Variants in MAGI2 observed in about 807,000 individuals in gnomAD.
MAGI2 encodes membrane-associated guanylate kinase, WW and PDZ domain-containing protein 2.
MAGI2 carries 35 observed loss-of-function variants against 133.3 expected under a neutral mutation model. The ratio of observed to expected loss-of-function variants is 0.26; its 90% CI spans 0.20 to 0.35. MAGI2 has a LOEUF of 0.35. Ranked by LOEUF, MAGI2 falls within the 10% of genes least tolerant of loss-of-function variation. The probability of loss-of-function intolerance (pLI) is 1.00; values close to 1 mark genes in which losing one functional copy is unlikely to be tolerated. For missense variants in MAGI2, 1,636 were observed against 1,863.4 expected, an observed-to-expected ratio of 0.88 and a Z score of 2.25; for synonymous variants, 729 against 710.6, an observed-to-expected ratio of 1.03 and a Z score of -0.41.
At chr7:78,452,303 T>C (rs940314155) in intron 6 of MAGI2, among the ~76,000 whole-genome samples, 1 of 151,938 alleles carries the variant, frequency 6.6e-6, no homozygotes, top group African/African-American at 2.4e-5. Context: ...AAGCAGGAAA[T>C]GGTACTCTCT....
chr7:79,148,312 CCT>C (rs1822850503), intron 1 of MAGI2, among the ~76,000 whole-genome samples: 1 of 152,124 alleles, frequency 6.6e-6, no homozygotes, highest in Admixed American at 6.5e-5. Context: ...AATGCCAATT[CCT>C]GTCATTGAAT....
chr7:79,387,886 A>G (rs989936972), intron 1 of MAGI2, among the ~76,000 whole-genome samples: 1 of 151,994 alleles, frequency 6.6e-6, no homozygotes. Flanking sequence ...AAATATTTAA[A>G]TTCGTATTGA....
rs147675616 is a variant in MAGI2 at position 78,578,473 on chromosome 7, C to T, written c.538+48647G>A. Among the ~76,000 whole-genome samples the T allele has an allele frequency of 4.3e-3, 650 of 151,814 alleles. 5 individuals carry two copies. Among genetic ancestry groups the T allele is most frequent in the African/African-American group, 0.015 (622 of 41,384 alleles). On this transcript the variant is annotated intron_variant, in intron 3 of 21. Coordinates refer to ENST00000354212, the MANE Select transcript of MAGI2 (RefSeq NM_012301.4). Reference sequence around the variant, plus strand: ...TAGAAAAGAGAATAAATGGAAAAAACATAGAAGTAAAAATAAGAAAGGGTA... The same window carrying T: ...TAGAAAAGAGAATAAATGGAAAAAATATAGAAGTAAAAATAAGAAAGGGTA...
At chr7:78,889,666 A>T (rs1337368083) in intron 2 of MAGI2, among the ~76,000 whole-genome samples, 1 of 152,240 alleles carries the variant, frequency 6.6e-6, no homozygotes, top group Non-Finnish European at 1.5e-5. Context: ...TACTTTACAG[A>T]CAAGCAAATA....
At chr7:78,473,469 T>C (rs1314656085) in intron 6 of MAGI2, among the ~76,000 whole-genome samples, 1 of 152,090 alleles carries the variant, frequency 6.6e-6, no homozygotes, top group East Asian at 1.9e-4. Flanking sequence ...GCTTTAGTCA[T>C]AAAAATCTAC....
At chr7:78,800,124 G>A (rs921334741) in intron 2 of MAGI2, among the ~76,000 whole-genome samples, 6 of 151,976 alleles carry the variant, frequency 3.9e-5, no homozygotes, top group South Asian at 2.1e-4. Flanking sequence ...AAAAACCCAC[G>A]GACCAGAAGC....
chr7:79,128,569 C>T (rs1173139965), intron 1 of MAGI2, among the ~76,000 whole-genome samples: 2 of 152,138 alleles, frequency 1.3e-5, no homozygotes, highest in Non-Finnish European at 2.9e-5. Flanking sequence ...TACAGGGGAA[C>T]TCCCTGATCA....
chr7:79,306,059 T>A (rs1029692147), intron 1 of MAGI2, among the ~76,000 whole-genome samples: 4 of 148,694 alleles, frequency 2.7e-5, no homozygotes, highest in African/African-American at 9.9e-5. Flanking sequence ...CAGGTTGGAG[T>A]GCAGTGGCAC....
chr7:78,267,692 C>T (rs1258309731), intron 9 of MAGI2, among the ~76,000 whole-genome samples: 1 of 152,128 alleles, frequency 6.6e-6, no homozygotes, highest in Non-Finnish European at 1.5e-5. Flanking sequence ...CAATATGGTA[C>T]CTTATTTTAT....
chr7:78,063,899 C>T (rs1445544218), intron 21 of MAGI2, among the ~76,000 whole-genome samples: 2 of 152,114 alleles, frequency 1.3e-5, no homozygotes, highest in Non-Finnish European at 2.9e-5. Context: ...CTTTATATCC[C>T]TAGCAATGAG....
At chr7:78,905,109 C>G (rs1330014295) in intron 2 of MAGI2, among the ~76,000 whole-genome samples, 1 of 152,126 alleles carries the variant, frequency 6.6e-6, no homozygotes, top group East Asian at 1.9e-4. Context: ...AATCTTATCC[C>G]TAGGCTTACT....
At chr7:78,343,665 C>T in intron 9 of MAGI2, 113 bp downstream of exon 9, 2 of 714,654 alleles carry the variant, frequency 2.8e-6, no homozygotes, top group Non-Finnish European at 4.1e-6. Context: ...CATGCTTTTC[C>T]TAAAGTGAAG....
chr7:78,859,382 T>C lies in MAGI2; in HGVS notation c.418+147708A>G, dbSNP rs528031801. Among the ~76,000 whole-genome samples the C allele has an allele frequency of 9.2e-5, 14 of 152,002 alleles. No homozygotes were observed. The East Asian group carries it at 2.7e-3, about 29-fold the overall frequency. On this transcript the variant is annotated intron_variant, in intron 2 of 21. Coordinates refer to ENST00000354212, the MANE Select transcript of MAGI2 (RefSeq NM_012301.4). ...TGTTGTTGCAGTGGCTGGTATCAGT[T>C]GTTCCTTTCCATGTTTAGTTCTTCC...
chr7:78,955,573 G>A (rs1380082413), intron 2 of MAGI2, among the ~76,000 whole-genome samples: 1 of 152,000 alleles, frequency 6.6e-6, no homozygotes, highest in Non-Finnish European at 1.5e-5. Flanking sequence ...ACTTATGTGG[G>A]TAGTACATAC....
At chr7:78,371,361 C>T (rs1337305557) in intron 6 of MAGI2, among the ~76,000 whole-genome samples, 1 of 151,806 alleles carries the variant, frequency 6.6e-6, no homozygotes, top group East Asian at 1.9e-4. Flanking sequence ...TGGTTCGATA[C>T]ATGGATATGT....
At chr7:78,658,672 A>G (rs962815393) in intron 2 of MAGI2, among the ~76,000 whole-genome samples, 3 of 152,210 alleles carry the variant, frequency 2.0e-5, no homozygotes, top group Non-Finnish European at 4.4e-5. Flanking sequence ...TGACAGCAAG[A>G]GTAAGTGGAT....
chr7:78,459,065 T>C (rs1034316965), intron 6 of MAGI2, among the ~76,000 whole-genome samples: 2 of 152,248 alleles, frequency 1.3e-5, no homozygotes, highest in Non-Finnish European at 2.9e-5. Context: ...TCAAAGTACA[T>C]TTGCACTTTT....
chr7:78,859,224 A>G (rs1473339661), intron 2 of MAGI2, among the ~76,000 whole-genome samples: 1 of 152,186 alleles, frequency 6.6e-6, no homozygotes, highest in Non-Finnish European at 1.5e-5. Flanking sequence ...TAATTGGAGC[A>G]TTTAGCCCAT....
chr7:78,019,985 G>C lies in MAGI2; in HGVS notation c.3707-9C>G, dbSNP rs780818091. ...CCAGGGGGCGGGTTCGTCTGTGGACGGGAAGCACAGGCGTTAGCAGTGGCG... is the reference window on the plus strand; with the variant it reads ...CCAGGGGGCGGGTTCGTCTGTGGACCGGAAGCACAGGCGTTAGCAGTGGCG... On this transcript the variant is annotated splice_polypyrimidine_tract_variant and intron_variant, in intron 21 of 21. Coordinates refer to ENST00000354212, the MANE Select transcript of MAGI2 (RefSeq NM_012301.4). 37 of 1,597,640 alleles carry C rather than the reference G, an allele frequency of 2.3e-5. No homozygotes were observed. The highest frequency in any genetic ancestry group is 1.1e-4 in the South Asian group (10 of 89,094).
Sources: gnomAD v4.1 joint callset for allele counts (sites outside exome capture counted in the v4.1 genomes callset) on GRCh38, gnomAD v4.1.1 for gene constraint, MANE v1.5 for transcripts, NCBI Gene and HGNC (gene_info 2026-07-23, HGNC 2026-07-21) for gene names.